The following BBX variants were observed in gnomAD, a reference collection of about 807,000 sequenced individuals.
The protein encoded by BBX is BBX high mobility group box domain containing, also known as HMG box transcription factor BBX.
Under a neutral mutation model 100.2 loss-of-function variants are expected in BBX, and 30 were observed. The observed-to-expected ratio is 0.30, with a 90% CI of 0.22 to 0.41. BBX has a LOEUF of 0.41. Ranked by LOEUF, BBX falls within the 10% of genes least tolerant of loss-of-function variation. BBX has a pLI of 1.00. For missense variants in BBX, 1,023 were observed against 1,129.8 expected, an observed-to-expected ratio of 0.91 and a Z score of 1.35; for synonymous variants, 376 against 388.1, an observed-to-expected ratio of 0.97 and a Z score of 0.37.
At chr3:107,774,623 A>T in intron 11 of BBX, 96 bp from the exon 12 acceptor site, 1 of 1,303,892 alleles carries the variant, frequency 7.7e-7, no homozygotes, top group Non-Finnish European at 1.1e-6. Flanking sequence ...TGCAAATGAT[A>T]TGCAAGCAGT....
chr3:107,645,244 G>T (rs952072359), intron 2 of BBX, among the ~76,000 whole-genome samples: 7 of 152,072 alleles, frequency 4.6e-5, no homozygotes, highest in Admixed American at 2.0e-4. Flanking sequence ...TAATTTACAT[G>T]TACACCATTT....
intron 3 of BBX, among the ~76,000 whole-genome samples, chr3:107,651,851 TTTG>T (rs1411700942): frequency 4.6e-5 from 7 of 152,076 alleles, no homozygotes; most frequent in Admixed American, 3.3e-4. Context: ...CCTGCCTTAT[TTTG>T]TTGTTGTTGT....
chr3:107,639,255 C>T (rs980228978), intron 2 of BBX, among the ~76,000 whole-genome samples: 1 of 152,194 alleles, frequency 6.6e-6, no homozygotes, highest in African/African-American at 2.4e-5. Context: ...CCAGGGAACA[C>T]TCTTGCCTCA....
chr3:107,730,165 A>G (rs563884261), intron 6 of BBX, among the ~76,000 whole-genome samples: 206 of 152,336 alleles, frequency 1.4e-3, no homozygotes, highest in African/African-American at 4.7e-3. Flanking sequence ...GGGTGTCTGT[A>G]GTGTAATTCT....
In BBX at chr3:107,579,240, C is replaced by T. The variant is rs143491557; in HGVS notation, c.-84+52842C>T. On this transcript the variant is annotated intron_variant, in intron 2 of 17. Transcript: ENST00000325805. ...AAAATCTATGTCAGAAGATAGGTCT[C>T]GTAAAGGGCGAGTAAGCACTTGGGC... is the stretch of plus-strand genomic sequence containing the variant. Among the ~76,000 whole-genome samples, 474 of 152,192 alleles carry T rather than the reference C, an allele frequency of 3.1e-3. 3 individuals carry two copies. Among genetic ancestry groups the T allele is most frequent in the African/African-American group, 9.6e-3 (397 of 41,526 alleles).
intron 2 of BBX, among the ~76,000 whole-genome samples, chr3:107,585,763 T>A (rs2052787715): frequency 6.6e-6 from 1 of 152,182 alleles, no homozygotes. Context: ...TATATGACTC[T>A]CTGGAGAACT....
intron 2 of BBX, among the ~76,000 whole-genome samples, chr3:107,617,273 A>G (rs1332983965): frequency 6.6e-6 from 1 of 152,154 alleles, no homozygotes; most frequent in Admixed American, 6.5e-5. Flanking sequence ...CTGATACTAC[A>G]CATTCTTGAT....
chr3:107,727,453 G>T (rs2063034193), intron 5 of BBX, among the ~76,000 whole-genome samples: 1 of 151,984 alleles, frequency 6.6e-6, no homozygotes, highest in Non-Finnish European at 1.5e-5. Flanking sequence ...TTCTAGTTTG[G>T]CCTTGTGTCC....
intron 3 of BBX, among the ~76,000 whole-genome samples, chr3:107,666,357 C>G (rs145736663): frequency 1.3e-5 from 2 of 152,278 alleles, no homozygotes; most frequent in Non-Finnish European, 2.9e-5. Flanking sequence ...CATTACGCTC[C>G]TCATGATGTT....
intron 2 of BBX, among the ~76,000 whole-genome samples, chr3:107,620,940 GT>G (rs1417118484): frequency 2.6e-4 from 39 of 149,244 alleles, no homozygotes; most frequent in Admixed American, 1.3e-3. Context: ...CGGAGTGTGT[GT>G]GTGGGGGGGT....
intron 3 of BBX, among the ~76,000 whole-genome samples, chr3:107,673,376 G>C (rs183557334): frequency 3.3e-5 from 5 of 151,984 alleles, no homozygotes; most frequent in Admixed American, 1.3e-4. Flanking sequence ...GTTGATAAAG[G>C]CTCAACAATT....
chr3:107,697,915 G>T (rs1292379418), intron 3 of BBX, among the ~76,000 whole-genome samples: 1 of 151,976 alleles, frequency 6.6e-6, no homozygotes, highest in Non-Finnish European at 1.5e-5. Flanking sequence ...CATTTTTTAA[G>T]CTCGTCAGAA....
chr3:107,772,383 C>T (rs2066979181), intron 10 of BBX, among the ~76,000 whole-genome samples: 1 of 152,196 alleles, frequency 6.6e-6, no homozygotes, highest in Non-Finnish European at 1.5e-5. Context: ...GGAAAAGCTT[C>T]TGTTGAAGCT....
chr3:107,736,186 C>CT (rs1199433583), intron 7 of BBX, among the ~76,000 whole-genome samples: 2 of 151,850 alleles, frequency 1.3e-5, no homozygotes, highest in Non-Finnish European at 2.9e-5. Flanking sequence ...TACTGAGACC[C>CT]TGTAAAATAG....
chr3:107,600,644 A>G (rs1433872736), intron 2 of BBX, among the ~76,000 whole-genome samples: 2 of 152,206 alleles, frequency 1.3e-5, no homozygotes, highest in African/African-American at 4.8e-5. Flanking sequence ...AGCTATTACA[A>G]ATTCTTGAGA....
intron 3 of BBX, among the ~76,000 whole-genome samples, chr3:107,650,245 G>A (rs2057762037): frequency 6.6e-6 from 1 of 152,234 alleles, no homozygotes; most frequent in East Asian, 1.9e-4. Context: ...TCTGCCTCCT[G>A]TCAGATCAGC....
At chr3:107,644,283 TAAATC>T (rs1156876059) in intron 2 of BBX, among the ~76,000 whole-genome samples, 4 of 152,206 alleles carry the variant, frequency 2.6e-5, no homozygotes, top group Admixed American at 6.5e-5. Flanking sequence ...AGAAAATCCT[TAAATC>T]AAAATAAGAA....
At chr3:107,737,359 A>G (rs2063709691) in intron 7 of BBX, among the ~76,000 whole-genome samples, 1 of 151,840 alleles carries the variant, frequency 6.6e-6, no homozygotes, top group Admixed American at 6.6e-5. Context: ...ACTTAGCAGA[A>G]ATTACCGTTG....
chr3:107,532,746 A>G (rs2048248301), intron 2 of BBX, among the ~76,000 whole-genome samples: 1 of 152,230 alleles, frequency 6.6e-6, no homozygotes, highest in African/African-American at 2.4e-5. Flanking sequence ...CTCAACAATC[A>G]TTAAATTTAT....
Sources: gnomAD v4.1 joint callset for allele counts (sites outside exome capture counted in the v4.1 genomes callset) on GRCh38, gnomAD v4.1.1 for gene constraint, MANE v1.5 for transcripts, NCBI Gene and HGNC (gene_info 2026-07-23, HGNC 2026-07-21) for gene names.